Variants in IPO7 observed in about 807,000 individuals in gnomAD.
IPO7 encodes the protein importin-7.
A neutral mutation model predicts 136.4 loss-of-function variants in IPO7; 13 were observed. The ratio of observed to expected loss-of-function variants is 0.10; its 90% CI spans 0.06 to 0.15. The LOEUF (loss-of-function observed/expected upper bound fraction) is 0.15, where lower values mean the gene tolerates loss of function less well. Ranked by LOEUF, IPO7 falls within the 10% of genes least tolerant of loss-of-function variation. The pLI is 1.00. For missense variants in IPO7, 857 were observed against 1,240.6 expected (o/e 0.69, Z 4.65); for synonymous variants, 403 against 404.4 (o/e 1.00, Z 0.04).
intron 1 of IPO7, among the ~76,000 whole-genome samples, chr11:9,397,341 A>AATATATATATATATATAT (rs1398990687): frequency 1.9e-4 from 2 of 10,760 alleles, no homozygotes; most frequent in African/African-American, 5.0e-4. Flanking sequence ...TTTAAAAAAA[A>AATATATATATATATATAT]ATATATATAT....
At chr11:9,391,665 C>T (rs1590424755) in intron 1 of IPO7, among the ~76,000 whole-genome samples, 2 of 152,178 alleles carry the variant, frequency 1.3e-5, no homozygotes, top group African/African-American at 2.4e-5. Flanking sequence ...GATCACACCA[C>T]TGCACTCCAG....
Position 9,445,243 on chromosome 11 carries a change from C to T in IPO7, c.*49C>T. 1 of 1,161,712 alleles carries T rather than the reference C, an allele frequency of 8.6e-7. No individual in the cohort carries two copies. Among genetic ancestry groups the T allele is most frequent in the Non-Finnish European group, 1.3e-6 (1 of 769,444 alleles). 72.0% of individuals were successfully genotyped at this position (1,161,712 alleles called of 1,614,324 possible). A position where few individuals can be genotyped will look rare whatever the true frequency, so the allele number is the denominator to read the frequency against. Reference sequence around the variant, plus strand: ...GTGCTTGTAGTGAAGAGCTTGTGTTCCTCCTAGTAGTGGTTCCAGAACTGG... The same window carrying T: ...GTGCTTGTAGTGAAGAGCTTGTGTTTCTCCTAGTAGTGGTTCCAGAACTGG... On this transcript the variant is annotated 3_prime_UTR_variant, in exon 25 of 25. Transcript: ENST00000379719.
At chr11:9,389,341 A>C (rs1854596651) in intron 1 of IPO7, among the ~76,000 whole-genome samples, 1 of 152,236 alleles carries the variant, frequency 6.6e-6, no homozygotes, top group East Asian at 1.9e-4. Context: ...GAGCCACCAC[A>C]CCAGCCGGTG....
chr11:9,406,618 C>G (rs1232298559), intron 2 of IPO7, among the ~76,000 whole-genome samples: 1 of 152,128 alleles, frequency 6.6e-6, no homozygotes, highest in Non-Finnish European at 1.5e-5. Context: ...CACCTGTAAT[C>G]CCAGCACTTT....
intron 6 of IPO7, among the ~76,000 whole-genome samples, chr11:9,418,675 A>G (rs1198584102): frequency 6.6e-6 from 1 of 152,188 alleles, no homozygotes; most frequent in Non-Finnish European, 1.5e-5. Flanking sequence ...AAGTTCTCAT[A>G]TACATATTGT....
intron 2 of IPO7, 191 bp downstream of exon 2, chr11:9,403,562 T>G (rs1854831709): frequency 1.9e-6 from 1 of 517,426 alleles, no homozygotes; most frequent in Admixed American, 3.8e-5. Context: ...TAATTTGACA[T>G]TTAGTTGAAT....
intron 4 of IPO7, 44 bp downstream of exon 4, chr11:9,410,130 A>G: frequency 7.4e-7 from 1 of 1,347,554 alleles, no homozygotes; most frequent in South Asian, 2.0e-5. Flanking sequence ...AGAAGTAGGA[A>G]AAGTTGGGAA....
intron 16 of IPO7, among the ~76,000 whole-genome samples, chr11:9,432,253 G>A (rs1463154115): frequency 1.3e-5 from 2 of 149,950 alleles, no homozygotes; most frequent in Non-Finnish European, 3.0e-5. Context: ...CTAGGCAGGA[G>A]TGCAGTGGCG....
intron 8 of IPO7, 84 bp from the exon 9 acceptor site, chr11:9,422,922 T>C (rs919275665): frequency 2.8e-6 from 2 of 704,662 alleles, no homozygotes; most frequent in Non-Finnish European, 4.5e-6. Context: ...GTCATTAAAA[T>C]ATGTGTTAAC....
At chr11:9,428,698 T>C (rs1294679689) in intron 13 of IPO7, 69 bp downstream of exon 13, 2 of 885,376 alleles carry the variant, frequency 2.3e-6, no homozygotes, top group East Asian at 2.4e-5. Context: ...ACTTTTATAT[T>C]GAAACTTTTA....
chr11:9,435,687 A>C (rs1314846582), intron 19 of IPO7, among the ~76,000 whole-genome samples: 1 of 152,104 alleles, frequency 6.6e-6, no homozygotes, highest in African/African-American at 2.4e-5. Flanking sequence ...TACTATCTAC[A>C]TTTCTATTCC....
At chr11:9,392,689 C>T (rs1211917244) in intron 1 of IPO7, among the ~76,000 whole-genome samples, 2 of 151,988 alleles carry the variant, frequency 1.3e-5, no homozygotes, top group African/African-American at 4.8e-5. Context: ...TGGCTCAGGC[C>T]TGTTATCCCA....
chr11:9,401,825 G>A (rs1462674681), intron 1 of IPO7, among the ~76,000 whole-genome samples: 2 of 152,044 alleles, frequency 1.3e-5, no homozygotes, highest in African/African-American at 2.4e-5. Flanking sequence ...GGTCATAAAG[G>A]TACAGTCAGT....
rs576999651 is a variant in IPO7 at position 9,384,658 on chromosome 11, G to A, written c.-106G>A. The A allele has an allele frequency of 2.1e-6, 2 of 936,120 alleles. No homozygotes were observed. The highest frequency in any genetic ancestry group is 2.9e-5 in the East Asian group (1 of 34,102). 58.0% of individuals were successfully genotyped at this position (936,120 alleles called of 1,614,324 possible). A position where few individuals can be genotyped will look rare whatever the true frequency, so the allele number is the denominator to read the frequency against. On this transcript the variant is annotated 5_prime_UTR_variant, in exon 1 of 25. Transcript: ENST00000379719. ...GGCCTTGGCGCTTCTCTTTCCTTTC[G>A]CGCCGGTTGCCGCTGCGGAGCGCGG...
intron 1 of IPO7, among the ~76,000 whole-genome samples, chr11:9,400,767 A>T (rs1854782785): frequency 6.6e-6 from 1 of 152,146 alleles, no homozygotes; most frequent in Non-Finnish European, 1.5e-5. Context: ...TAAAGTCTAG[A>T]TTCTAATGTG....
chr11:9,444,371 T>C (rs1270424695), intron 24 of IPO7, among the ~76,000 whole-genome samples: 1 of 151,122 alleles, frequency 6.6e-6, no homozygotes, highest in African/African-American at 2.4e-5. Context: ...ATTAAAAAAA[T>C]TATTTTATTT....
At position 9,384,712 on chromosome 11, in the gene IPO7, A is replaced by G. The variant is rs1854524615; in HGVS notation, c.-52A>G. The G allele has an allele frequency of 8.2e-6, 12 of 1,456,058 alleles. No homozygotes were observed. The highest frequency in any genetic ancestry group is 2.5e-5 in the East Asian group (1 of 39,750). 90.2% of individuals were successfully genotyped at this position (1,456,058 alleles called of 1,614,324 possible). A position where few individuals can be genotyped will look rare whatever the true frequency, so the allele number is the denominator to read the frequency against. ...GTCCATGTGCGCAGTGAGTGGCGCT[A>G]TTCCTGGCCCAGTAGCACCCGAGCC... On this transcript the variant is annotated 5_prime_UTR_variant, in exon 1 of 25. Coordinates refer to ENST00000379719, the MANE Select transcript of IPO7 (RefSeq NM_006391.3).
intron 4 of IPO7, among the ~76,000 whole-genome samples, chr11:9,413,959 C>G (rs544952799): frequency 6.6e-6 from 1 of 151,962 alleles, no homozygotes; most frequent in Non-Finnish European, 1.5e-5. Context: ...CTATGTAATA[C>G]TGAGAAAGAT....
At chr11:9,403,603 G>T in intron 2 of IPO7, 3 of 450,434 alleles carry the variant, frequency 6.7e-6, no homozygotes, top group Admixed American at 4.1e-5. Flanking sequence ...GAAATTGATG[G>T]GGTTTATTAA....
Sources: gnomAD v4.1 joint callset for allele counts (sites outside exome capture counted in the v4.1 genomes callset) on GRCh38, gnomAD v4.1.1 for gene constraint, MANE v1.5 for transcripts, NCBI Gene and HGNC (gene_info 2026-07-23, HGNC 2026-07-21) for gene names.